The following ZNF454 variants were observed in gnomAD, a reference collection of about 807,000 sequenced individuals.
ZNF454 encodes zinc finger protein 454.
ZNF454 carries 30 observed loss-of-function variants against 48.2 expected under a neutral mutation model. The observed-to-expected ratio is 0.62, with a 90% confidence interval of 0.47 to 0.84. The LOEUF is 0.84. Ranked by LOEUF, ZNF454 falls within the 40% of genes least tolerant of loss-of-function variation. ZNF454 has a pLI of 0.00. For missense variants in ZNF454, 510 were observed against 623.1 expected (o/e 0.82, Z 1.93); for synonymous variants, 204 against 211.4 (o/e 0.97, Z 0.30).
Position 178,941,301 on chromosome 5 carries a change from C to T in ZNF454, c.-251C>T. ...TCCTCGAAGAGCGACACGGGGCTGACCAGGCACGGTGGTCAAAGCCGCAGA... is the reference window on the plus strand; with the variant it reads ...TCCTCGAAGAGCGACACGGGGCTGATCAGGCACGGTGGTCAAAGCCGCAGA... On this transcript the variant is annotated 5_prime_UTR_variant, in exon 1 of 5. Coordinates refer to ENST00000519564, the MANE Select transcript of ZNF454 (RefSeq NM_001178089.3). The surrounding 1 kb of genome is among the most constrained non-coding windows in gnomAD (Gnocchi z 5.5). 1 of 441,964 alleles carries T rather than the reference C, an allele frequency of 2.3e-6. No individual in the cohort carries two copies. Among genetic ancestry groups the T allele is most frequent in the Non-Finnish European group, 4.6e-6 (1 of 218,628 alleles). 27.4% of individuals were successfully genotyped at this position (441,964 alleles called of 1,614,324 possible).
Position 178,965,721 on chromosome 5 carries a change from T to G in ZNF454, c.1317T>G (p.Pro439=). ...QHQRIHTGEK[P]YTCNICEKAF... Reference sequence around the variant, plus strand: ...AGAGAATTCATACTGGGGAAAAACCTTATACATGTAACATATGTGAAAAAG... The same window carrying G: ...AGAGAATTCATACTGGGGAAAAACCGTATACATGTAACATATGTGAAAAAG... The change falls in exon 5 of 5, where the codon CCT becomes CCG. Residue 439 remains proline (P), a synonymous_variant. Coordinates refer to ENST00000519564, the MANE Select transcript of ZNF454 (RefSeq NM_001178089.3). This position sits in a 1 kb window ranked among gnomAD's most constrained non-coding sequence, Gnocchi z 5.2. The G allele has an allele frequency of 6.2e-7, 1 of 1,614,132 alleles. No individual in the cohort carries two copies. Among genetic ancestry groups the G allele is most frequent in the Non-Finnish European group, 8.5e-7 (1 of 1,180,032 alleles).
At chr5:178,969,837 G>A, downstream of ZNF454, 1 of 341,374 alleles carries the variant, frequency 2.9e-6, no homozygotes, top group South Asian at 2.2e-5. Context: ...TGGGCTTCTG[G>A]GAACAGCCAC....
the ZNF454 span, chr5:178,976,123 C>A: frequency 2.2e-6 from 1 of 455,904 alleles, no homozygotes; most frequent in South Asian, 1.6e-5. Context: ...TGCAGGACCC[C>A]ATCCCCCAGA....
Position 178,962,963 on chromosome 5 carries a change from C to T in ZNF454, c.251-1692C>T, listed in dbSNP as rs182331332. On this transcript the variant is annotated intron_variant, in intron 4 of 4. Transcript: ENST00000519564. ...TAGTTTTGTAGCCCTGCAGGAGTCC[C>T]GGCTGAGAGCTTCACATGTTATTAT... is the stretch of plus-strand genomic sequence containing the variant. 1.7e-3 allele frequency among the ~76,000 whole-genome samples: 264 copies of T among 151,868 alleles called. 2 individuals are homozygous for T. The highest frequency in any genetic ancestry group is 5.8e-3 in the African/African-American group (239 of 41,562).
intron 4 of ZNF454, chr5:178,947,967 T>G (rs557449002): frequency 2.0e-5 from 3 of 152,260 alleles, no homozygotes; most frequent in African/African-American, 7.2e-5. Context: ...CAGGCAGGAG[T>G]GCAGTGGCGC....
the ZNF454 span, chr5:178,986,648 AG>A: frequency 6.2e-7 from 1 of 1,602,698 alleles, no homozygotes; most frequent in Non-Finnish European, 8.5e-7. Context: ...TGCCAACAGC[AG>A]GGGACGCCCT....
At chr5:178,987,340 G>C in the ZNF454 span, 1 of 485,758 alleles carries the variant, frequency 2.1e-6, no homozygotes, top group Non-Finnish European at 4.1e-6. Flanking sequence ...AAAGCAGGGT[G>C]GCAAGAAATG....
the ZNF454 span, chr5:178,989,115 C>T: frequency 3.7e-6 from 6 of 1,613,896 alleles, no homozygotes; most frequent in African/African-American, 5.3e-5. Context: ...TAGGTGGAGT[C>T]CCGGCCGATG....
intron 4 of ZNF454, chr5:178,956,895 T>C (rs766005462): frequency 2.9e-6 from 1 of 347,270 alleles, no homozygotes; most frequent in South Asian, 2.1e-5. Context: ...TTTGTTTGTT[T>C]GTTTTTTTAG....
the ZNF454 span, chr5:178,975,737 T>C: frequency 4.8e-6 from 2 of 414,140 alleles, no homozygotes; most frequent in East Asian, 1.5e-4. Context: ...CTGGCCAGGC[T>C]ATGGTACTCA....
intron 4 of ZNF454, chr5:178,947,972 T>A (rs1288204178): frequency 1.3e-5 from 2 of 152,214 alleles, no homozygotes; most frequent in South Asian, 4.1e-4. Flanking sequence ...AGGAGTGCAG[T>A]GGCGCAATCT....
the ZNF454 span, chr5:178,978,640 G>A: frequency 2.0e-5 from 3 of 152,194 alleles, no homozygotes; most frequent in Non-Finnish European, 4.4e-5. Flanking sequence ...TCTCATCCCA[G>A]AGAGGAACAC....
the ZNF454 span, among the ~76,000 whole-genome samples, chr5:178,984,806 C>T: frequency 5.6e-3 from 856 of 152,138 alleles, 5 homozygotes; most frequent in African/African-American, 0.018. Flanking sequence ...AGGGGCTCGC[C>T]GGGAGTGGAC....
chr5:178,953,265 G>A (rs1022244882), intron 4 of ZNF454, among the ~76,000 whole-genome samples: 2 of 152,088 alleles, frequency 1.3e-5, no homozygotes, highest in Admixed American at 6.6e-5. Flanking sequence ...TTGGTCAGTA[G>A]TCAATGTTTA....
At chr5:178,989,217 A>AAGCCCCC in the ZNF454 span, 1 of 954,834 alleles carries the variant, frequency 1.0e-6, no homozygotes, top group Non-Finnish European at 1.5e-6. Flanking sequence ...CCCCACCCTC[A>AAGCCCCC]CCACCCTCCC....
At chr5:178,983,472 G>A in the ZNF454 span, 13 of 677,278 alleles carry the variant, frequency 1.9e-5, no homozygotes, top group Admixed American at 6.1e-5. Context: ...TGTGCCGCCC[G>A]TATATGTTGG....
chr5:178,984,230 C>T, the ZNF454 span, among the ~76,000 whole-genome samples: 1 of 152,108 alleles, frequency 6.6e-6, no homozygotes, highest in Admixed American at 6.5e-5. Flanking sequence ...CAGGGCTGCA[C>T]AGCGGTAACC....
chr5:178,971,689 A>G, the ZNF454 span, among the ~76,000 whole-genome samples: 1 of 151,556 alleles, frequency 6.6e-6, no homozygotes, highest in Admixed American at 6.6e-5. Context: ...TCTACTAAAA[A>G]AAAAAAAATA....
the ZNF454 span, chr5:178,989,221 C>A: frequency 3.7e-6 from 4 of 1,094,378 alleles, no homozygotes; most frequent in Non-Finnish European, 4.1e-6. Context: ...ACCCTCACCA[C>A]CCTCCCCACC....
Sources: gnomAD v4.1 joint callset for allele counts (sites outside exome capture counted in the v4.1 genomes callset) on GRCh38, gnomAD v4.1.1 for gene constraint, Gnocchi (gnomAD v3.1) non-coding constraint, MANE v1.5 for transcripts, NCBI Gene and HGNC (gene_info 2026-07-23, HGNC 2026-07-21) for gene names.